Variants in PRUNE2 observed in about 807,000 individuals in gnomAD.
PRUNE2 encodes protein prune homolog 2.
In PRUNE2, 164 loss-of-function variants were observed where a neutral mutation model predicts 252.0. That is an observed-to-expected ratio of 0.65 (90% confidence interval 0.57 to 0.74). PRUNE2 has a LOEUF of 0.74. PRUNE2 is among the 30% of genes least tolerant of loss of function. The probability of loss-of-function intolerance (pLI) is 0.00; values close to 1 mark genes in which losing one functional copy is unlikely to be tolerated. For synonymous variants in PRUNE2, 1,292 were observed against 1,350.2 expected, an observed-to-expected ratio of 0.96 and a Z score of 0.94; for missense variants, 3,495 against 3,711.0, an observed-to-expected ratio of 0.94 and a Z score of 1.51.
intron 4 of PRUNE2, among the ~76,000 whole-genome samples, chr9:76,832,194 A>T (rs1050039245): frequency 6.6e-6 from 1 of 152,114 alleles, no homozygotes; most frequent in African/African-American, 2.4e-5. Context: ...TCTCGCAGCA[A>T]CTCTAAGAAC....
chr9:76,774,462 T>TTTTA (rs2053510281), intron 6 of PRUNE2, among the ~76,000 whole-genome samples: 24 of 104,252 alleles, frequency 2.3e-4, no homozygotes, highest in Non-Finnish European at 4.5e-4. Flanking sequence ...TTTTTTTTTT[T>TTTTA]TTTTTTTTTT....
chr9:76,857,147 C>T (rs1184702211), intron 1 of PRUNE2: 2 of 455,794 alleles, frequency 4.4e-6, no homozygotes, highest in Admixed American at 2.4e-5. Flanking sequence ...TCTTCCAATG[C>T]CATTTACCCA....
chr9:76,713,672 T>A lies in PRUNE2; in HGVS notation c.806A>T (p.Asp269Val), dbSNP rs1412501548. 6.2e-7 allele frequency: 1 copy of A among 1,601,350 alleles called. No individual in the cohort carries two copies. The highest frequency in any genetic ancestry group is 2.2e-5 in the East Asian group (1 of 44,650). The change falls in exon 7 of 19, where the codon GAC becomes GTC. Residue 269 changes from aspartate to valine, a missense_variant. Transcript: ENST00000376718. Reference protein sequence around the residue: ...NITSDLKAFTDKFGFDVLILF... With the variant: ...NITSDLKAFTVKFGFDVLILF... ...GATGAGGACATCAAAACCAAACTTG[T>A]CTGTAAATGCTTTCAAGTCACTGGT...
At position 76,710,252 on chromosome 9, in the gene PRUNE2, A is replaced by G. The variant is rs772942401; in HGVS notation, c.2022T>C (p.Ser674=). 11 of 1,613,818 alleles carry G rather than the reference A, an allele frequency of 6.8e-6. No homozygotes were observed. The highest frequency in any genetic ancestry group is 1.7e-5 in the Admixed American group (1 of 59,998). ...SKNIADAWSS[S]EQESVFQSPE... is the part of the protein sequence containing the mutation. ...GGCTCTGGAAAACAGATTCCTGTTC[A>G]CTGGAACTCCACGCATCTGCAATAT... Residue 674 remains serine (S), a synonymous_variant, in exon 8 of 19, where the codon AGT becomes AGC. Coordinates refer to ENST00000376718, the MANE Select transcript of PRUNE2 (RefSeq NM_015225.3).
At chr9:76,691,913 A>T in intron 9 of PRUNE2, 1 of 602,954 alleles carries the variant, frequency 1.7e-6, no homozygotes, top group South Asian at 2.0e-5. Context: ...GGCAGCTGTC[A>T]GTTGCAAGGG....
intron 1 of PRUNE2, among the ~76,000 whole-genome samples, chr9:76,873,102 C>A (rs979475763): frequency 2.0e-5 from 3 of 151,906 alleles, no homozygotes; most frequent in African/African-American, 7.3e-5. Context: ...AGGCCTGGAA[C>A]AGATCCCTCC....
intron 1 of PRUNE2, among the ~76,000 whole-genome samples, chr9:76,889,341 T>C (rs1046781136): frequency 1.2e-4 from 3 of 25,194 alleles, no homozygotes; most frequent in African/African-American, 2.2e-4. Flanking sequence ...TGACTGCAGA[T>C]TTTTTTTTTT....
Position 76,706,899 on chromosome 9 carries a change from G to A in PRUNE2, c.5375C>T (p.Thr1792Ile), listed in dbSNP as rs746197038. ...VEKEKRSSPE[T>I]GTTGDVAWQI... ...CCATGCAACATCTCCTGTTGTCCCTGTTTCTGGAGAAGATCTCTTCTCCTT... is the reference window on the plus strand; with the variant it reads ...CCATGCAACATCTCCTGTTGTCCCTATTTCTGGAGAAGATCTCTTCTCCTT... Residue 1792 changes from threonine (T) to isoleucine (I), a missense_variant, in exon 8 of 19, where the codon ACA (threonine) becomes ATA (isoleucine). By Grantham distance (89) the Thr-to-Ile change is moderately conservative (BLOSUM62 -1). Coordinates refer to ENST00000376718, the MANE Select transcript of PRUNE2 (RefSeq NM_015225.3). 2 of 1,600,006 alleles carry A rather than the reference G, an allele frequency of 1.3e-6. No individual in the cohort carries two copies. Among genetic ancestry groups the A allele is most frequent in the Non-Finnish European group, 1.7e-6 (2 of 1,172,860 alleles).
At chr9:76,702,053 T>C (rs996824754) in intron 9 of PRUNE2, among the ~76,000 whole-genome samples, 2 of 151,790 alleles carry the variant, frequency 1.3e-5, no homozygotes, top group African/African-American at 4.8e-5. Flanking sequence ...CAAAAATATA[T>C]CTTTTCTCGC....
chr9:76,718,796 A>G (rs1481683927), intron 6 of PRUNE2, among the ~76,000 whole-genome samples: 1 of 152,156 alleles, frequency 6.6e-6, no homozygotes, highest in African/African-American at 2.4e-5. Context: ...TTTAATAAGT[A>G]TCTCAAGTAA....
Position 76,718,586 on chromosome 9 carries a change from C to T in PRUNE2, c.757-4865G>A, listed in dbSNP as rs143613119. Among the ~76,000 whole-genome samples, 681 of 152,286 alleles carry T rather than the reference C, an allele frequency of 4.5e-3. 4 individuals carry two copies. Among genetic ancestry groups the T allele is most frequent in the Non-Finnish European group, 5.4e-3 (367 of 68,022 alleles). ...ACACCTTGTTTTTCTCCGGATTCAC[C>T]GACTGCCCTTCAGTTGCCTTTGCTG... is the stretch of plus-strand genomic sequence containing the variant. On this transcript the variant is annotated intron_variant, in intron 6 of 18. Coordinates refer to ENST00000376718, the MANE Select transcript of PRUNE2 (RefSeq NM_015225.3).
intron 10 of PRUNE2, among the ~76,000 whole-genome samples, 162 bp downstream of exon 10, chr9:76,655,261 C>T (rs549727895): frequency 1.4e-4 from 22 of 152,260 alleles, no homozygotes; most frequent in African/African-American, 4.1e-4. Flanking sequence ...CTTAAATTAA[C>T]CAAATGCAGC....
chr9:76,833,818 G>GTA (rs1342313918), intron 4 of PRUNE2, among the ~76,000 whole-genome samples: 5 of 150,234 alleles, frequency 3.3e-5, no homozygotes, highest in African/African-American at 1.2e-4. Flanking sequence ...AGACGTCACA[G>GTA]TTAATTGTGG....
chr9:76,838,977 A>C (rs1440002806), intron 4 of PRUNE2, among the ~76,000 whole-genome samples: 1 of 152,190 alleles, frequency 6.6e-6, no homozygotes, highest in Non-Finnish European at 1.5e-5. Context: ...TTATTTATTT[A>C]CTTATTTATT....
intron 6 of PRUNE2, chr9:76,764,395 G>A (rs1195629556): frequency 1.5e-4 from 23 of 152,262 alleles, no homozygotes; most frequent in Non-Finnish European, 2.9e-4. Flanking sequence ...CATGATGGGA[G>A]TGGCCACCTG....
intron 9 of PRUNE2, among the ~76,000 whole-genome samples, chr9:76,694,408 C>T (rs2045175810): frequency 6.6e-6 from 1 of 152,180 alleles, no homozygotes; most frequent in African/African-American, 2.4e-5. Flanking sequence ...GTTTTGAACT[C>T]CTGGCCTCAG....
At chr9:76,647,024 AC>A (rs1169988387) in intron 11 of PRUNE2, among the ~76,000 whole-genome samples, 1 of 152,144 alleles carries the variant, frequency 6.6e-6, no homozygotes, top group East Asian at 1.9e-4. Context: ...CCCAGTCTCT[AC>A]AAAAAATACA....
Position 76,747,752 on chromosome 9 carries a change from A to T in PRUNE2, c.757-34031T>A, listed in dbSNP as rs1190181323. On this transcript the variant is annotated intron_variant, in intron 6 of 18. Coordinates refer to ENST00000376718, the MANE Select transcript of PRUNE2 (RefSeq NM_015225.3). Reference sequence around the variant, plus strand: ...CACTGTGGCAGTTCTTCTGAGTACAACTCTGTCTTCCTTAACACGCTCACT... The same window carrying T: ...CACTGTGGCAGTTCTTCTGAGTACATCTCTGTCTTCCTTAACACGCTCACT... Among the ~76,000 whole-genome samples the T allele has an allele frequency of 4.0e-5, 6 of 151,048 alleles. No homozygotes were observed. The East Asian group carries it at 5.8e-4, about 15-fold the overall frequency.
chr9:76,756,730 C>A (rs2051186099), intron 6 of PRUNE2, among the ~76,000 whole-genome samples: 1 of 152,198 alleles, frequency 6.6e-6, no homozygotes, highest in Non-Finnish European at 1.5e-5. Flanking sequence ...TTCAAGTCTG[C>A]AAACCTTTGT....
Sources: gnomAD v4.1 joint callset for allele counts (sites outside exome capture counted in the v4.1 genomes callset) on GRCh38, gnomAD v4.1.1 for gene constraint, MANE v1.5 for transcripts, NCBI Gene and HGNC (gene_info 2026-07-23, HGNC 2026-07-21) for gene names.